The following NIBAN2 variants were observed in gnomAD, a reference collection of about 807,000 sequenced individuals.
NIBAN2 encodes the protein niban apoptosis regulator 2.
A neutral mutation model predicts 81.8 loss-of-function variants in NIBAN2; 36 were observed. The observed-to-expected ratio is 0.44, with a 90% CI of 0.34 to 0.58. The LOEUF (loss-of-function observed/expected upper bound fraction) is 0.58. Among genes scored for constraint, NIBAN2 ranks in the 20% least tolerant of loss-of-function variants. The pLI is 0.02. For synonymous variants in NIBAN2, 445 were observed against 441.6 expected (o/e 1.01, Z -0.10); for missense variants, 897 against 1,014.1 (o/e 0.88, Z 1.57).
At chr9:127,519,658 GC>G (rs1836898940) in intron 5 of NIBAN2, among the ~76,000 whole-genome samples, 1 of 152,246 alleles carries the variant, frequency 6.6e-6, no homozygotes, top group Admixed American at 6.5e-5. Flanking sequence ...CATCCCTACA[GC>G]GCAGCTGCCT....
intron 1 of NIBAN2, among the ~76,000 whole-genome samples, chr9:127,552,275 C>T (rs994321163): frequency 6.6e-6 from 1 of 152,156 alleles, no homozygotes; most frequent in African/African-American, 2.4e-5. Flanking sequence ...GCACTGTTTA[C>T]AACAACAAAA....
intron 1 of NIBAN2, among the ~76,000 whole-genome samples, chr9:127,560,965 T>C (rs1397694475): frequency 1.3e-5 from 2 of 152,304 alleles, no homozygotes; most frequent in South Asian, 2.1e-4. Context: ...CAGAGAGGCA[T>C]GGCCATTGGG....
chr9:127,549,238 T>C (rs536834341), intron 1 of NIBAN2, among the ~76,000 whole-genome samples: 6 of 152,296 alleles, frequency 3.9e-5, no homozygotes, highest in African/African-American at 1.4e-4. Flanking sequence ...CTACTGCTAA[T>C]ATCCTTTCCC....
intron 9 of NIBAN2, chr9:127,509,907 G>A (rs1484097396): frequency 1.0e-5 from 3 of 286,318 alleles, no homozygotes; most frequent in Non-Finnish European, 2.0e-5. Context: ...CACCACTCTT[G>A]GTTTCTAAAG....
intron 1 of NIBAN2, among the ~76,000 whole-genome samples, chr9:127,534,802 T>C (rs1837243781): frequency 6.6e-6 from 1 of 152,188 alleles, no homozygotes; most frequent in Non-Finnish European, 1.5e-5. Flanking sequence ...ACCATGGGAA[T>C]TGTTTTGAAA....
rs926166982 is a variant in NIBAN2, at chr9:127,536,003, C to T, written c.56-4225G>A. 1.3e-5 allele frequency among the ~76,000 whole-genome samples: 2 copies of T among 152,084 alleles called. No individual in the cohort carries two copies. Among genetic ancestry groups the T allele is most frequent in the African/African-American group, 4.8e-5 (2 of 41,416 alleles). On this transcript the variant is annotated intron_variant, in intron 1 of 13. Transcript: ENST00000373312. The surrounding 1 kb of genome is among the most constrained non-coding windows in gnomAD (Gnocchi z 4.0). ...GACCTTAAGGACGGAGCCCAGGCAGCACCGGGAAGCCAGCTCCGCTCAGAA... is the reference window on the plus strand; with the variant it reads ...GACCTTAAGGACGGAGCCCAGGCAGTACCGGGAAGCCAGCTCCGCTCAGAA...
intron 1 of NIBAN2, among the ~76,000 whole-genome samples, chr9:127,549,126 G>A (rs1005072692): frequency 6.6e-6 from 1 of 152,142 alleles, no homozygotes; most frequent in South Asian, 2.1e-4. Flanking sequence ...GTTCCAATAA[G>A]AACTAACAGC....
At chr9:127,556,665 AG>A (rs767438656) in intron 1 of NIBAN2, among the ~76,000 whole-genome samples, 30 of 152,324 alleles carry the variant, frequency 2.0e-4, no homozygotes, top group Middle Eastern at 3.4e-3. Flanking sequence ...AGCCTGACCT[AG>A]GGTACTTGTT....
intron 1 of NIBAN2, among the ~76,000 whole-genome samples, chr9:127,540,671 C>G (rs1350450602): frequency 6.6e-6 from 1 of 152,204 alleles, no homozygotes; most frequent in Non-Finnish European, 1.5e-5. Context: ...GACCTGATGC[C>G]TAAGCCTGAA....
intron 1 of NIBAN2, among the ~76,000 whole-genome samples, chr9:127,549,463 G>A (rs982427817): frequency 5.3e-5 from 8 of 152,072 alleles, no homozygotes; most frequent in Non-Finnish European, 1.0e-4. Flanking sequence ...ATTCACACAT[G>A]TGCATGCCCA....
chr9:127,574,497 G>A (rs1310688427), intron 1 of NIBAN2, among the ~76,000 whole-genome samples: 1 of 152,134 alleles, frequency 6.6e-6, no homozygotes, highest in Non-Finnish European at 1.5e-5. Context: ...GAGAAGGAAA[G>A]CAATTTGCCC....
intron 1 of NIBAN2, among the ~76,000 whole-genome samples, chr9:127,549,479 A>G (rs1299137732): frequency 6.6e-6 from 1 of 152,124 alleles, no homozygotes; most frequent in Non-Finnish European, 1.5e-5. Context: ...GCCCACACAC[A>G]TGTACACTCA....
chr9:127,542,659 C>T (rs766210370), intron 1 of NIBAN2, among the ~76,000 whole-genome samples: 3 of 152,228 alleles, frequency 2.0e-5, no homozygotes, highest in Non-Finnish European at 4.4e-5. Flanking sequence ...CGACATTTCC[C>T]CCCCTGCTGG....
chr9:127,555,768 C>T (rs749852011), intron 1 of NIBAN2, among the ~76,000 whole-genome samples: 4 of 152,232 alleles, frequency 2.6e-5, no homozygotes, highest in Non-Finnish European at 5.9e-5. Flanking sequence ...CGTGAGCTCC[C>T]AGGGAAGAGT....
At chr9:127,574,578 C>T (rs915345251) in intron 1 of NIBAN2, among the ~76,000 whole-genome samples, 4 of 152,146 alleles carry the variant, frequency 2.6e-5, no homozygotes, top group African/African-American at 9.7e-5. Flanking sequence ...GGCCCTTTCT[C>T]TCCCCATGAG....
rs1243674974 is a variant in NIBAN2 at position 127,531,723 on chromosome 9, G to A, written c.111C>T (p.Gly37=). Residue 37 remains glycine (G), a synonymous_variant, in exon 2 of 14, where the codon GGC becomes GGT. Coordinates refer to ENST00000373312, the MANE Select transcript of NIBAN2 (RefSeq NM_022833.4). ...EFLQFYEDQY[G]VALFNSMRHE... is the part of the protein sequence containing the mutation. ...GGCGCATGCTGTTGAAGAGAGCCAC[G>A]CCATACTGGTCTTCATAGAACTGGA... is the stretch of plus-strand genomic sequence containing the variant. The A allele has an allele frequency of 2.5e-6, 4 of 1,614,184 alleles. No individual in the cohort carries two copies. The highest frequency in any genetic ancestry group is 3.4e-6 in the Non-Finnish European group (4 of 1,180,042).
intron 5 of NIBAN2, among the ~76,000 whole-genome samples, chr9:127,521,850 G>A (rs1055453497): frequency 8.5e-5 from 13 of 152,168 alleles, no homozygotes; most frequent in African/African-American, 2.7e-4. Context: ...CTCACTGTGC[G>A]TGCCAGGCCC....
chr9:127,520,421 A>G (rs1032023469), intron 5 of NIBAN2, among the ~76,000 whole-genome samples: 3 of 151,860 alleles, frequency 2.0e-5, no homozygotes, highest in Non-Finnish European at 4.4e-5. Context: ...TATTTTTAGT[A>G]GAGATGGGTT....
At chr9:127,528,448 A>C (rs898623798) in intron 2 of NIBAN2, among the ~76,000 whole-genome samples, 20 of 152,160 alleles carry the variant, frequency 1.3e-4, no homozygotes, top group African/African-American at 4.6e-4. Flanking sequence ...CTCATGGAGA[A>C]AGGGTGATTG....
Sources: allele counts gnomAD v4.1 joint callset (sites outside exome capture counted in the v4.1 genomes callset), GRCh38; gene constraint gnomAD v4.1.1; non-coding constraint Gnocchi (gnomAD v3.1); transcripts MANE v1.5; gene names NCBI Gene and HGNC (gene_info 2026-07-23, HGNC 2026-07-21).